Variants in SPHK2 observed in about 807,000 individuals in gnomAD.
SPHK2 encodes the protein sphingosine kinase 2.
SPHK2 carries 18 observed loss-of-function variants against 32.3 expected under a neutral mutation model. The ratio of observed to expected loss-of-function variants is 0.56; its 90% CI spans 0.39 to 0.83. The LOEUF (loss-of-function observed/expected upper bound fraction) is 0.83, where lower values mean the gene tolerates loss of function less well. Among genes scored for constraint, SPHK2 ranks in the 40% least tolerant of loss-of-function variants. The probability of loss-of-function intolerance (pLI) is 0.00; values close to 1 mark genes in which losing one functional copy is unlikely to be tolerated. For synonymous variants in SPHK2, 462 were observed against 417.6 expected, an observed-to-expected ratio of 1.11 and a Z score of -1.30; for missense variants, 850 against 908.7, an observed-to-expected ratio of 0.94 and a Z score of 0.83.
Position 48,629,131 on chromosome 19 carries a change from G to A in SPHK2, c.1323G>A (p.Leu441=), listed in dbSNP as rs142981695. The change falls in exon 7 of 7, where the codon CTG becomes CTA. Residue 441 remains leucine (L), a synonymous_variant. Transcript: ENST00000245222. ...ALASPGSPEP[L]PILSLNGGGP... Reference sequence around the variant, plus strand: ...CCTCTCCTGGCTCGCCAGAACCCCTGCCCATCCTGTCCCTCAACGGTGGGG... The same window carrying A: ...CCTCTCCTGGCTCGCCAGAACCCCTACCCATCCTGTCCCTCAACGGTGGGG... 1.2e-6 allele frequency: 2 copies of A among 1,613,438 alleles called. No individual in the cohort carries two copies. Among genetic ancestry groups the A allele is most frequent in the Middle Eastern group, 1.6e-4 (1 of 6,062 alleles).
chr19:48,630,359 C>G lies in SPHK2; in HGVS notation c.*586C>G, dbSNP rs2030509965. 1.5e-6 allele frequency: 2 copies of G among 1,312,310 alleles called. No individual in the cohort carries two copies. The highest frequency in any genetic ancestry group is 3.1e-5 in the African/African-American group (2 of 65,492). 81.3% of individuals were successfully genotyped at this position (1,312,310 alleles called of 1,614,324 possible). A position where few individuals can be genotyped will look rare whatever the true frequency, so the allele number is the denominator to read the frequency against. On this transcript the variant is annotated 3_prime_UTR_variant, in exon 7 of 7. Transcript: ENST00000245222. This position sits in a 1 kb window ranked among gnomAD's most constrained non-coding sequence, Gnocchi z 4.9. ...CGTCCTCCGTCCCCAATCTAAAAAG[C>G]AATTGAAAAGGTCTATGCAATAAAG...
chr19:48,625,266 CTT>C, intron 2 of SPHK2: 7 of 1,102,430 alleles, frequency 6.3e-6, no homozygotes, highest in Non-Finnish European at 7.8e-6. Flanking sequence ...GTCTTACTCT[CTT>C]AAGTATCTTT....
chr19:48,622,262 AAAAAAAAAAAT>A (rs945783917), intron 2 of SPHK2, among the ~76,000 whole-genome samples: 1 of 146,654 alleles, frequency 6.8e-6, no homozygotes, highest in African/African-American at 2.6e-5. Context: ...CCGTCTCAAA[AAAAAAAAAAAT>A]AAAAAAAAAT....
intron 2 of SPHK2, among the ~76,000 whole-genome samples, chr19:48,621,857 T>C (rs1405120930): frequency 6.6e-6 from 1 of 152,152 alleles, no homozygotes; most frequent in Non-Finnish European, 1.5e-5. Flanking sequence ...CTAGTGACCT[T>C]GCAGCTGCAC....
At chr19:48,625,017 G>T in intron 2 of SPHK2, 1 of 987,812 alleles carries the variant, frequency 1.0e-6, no homozygotes, top group Non-Finnish European at 1.2e-6. Context: ...GGGCCTGTGG[G>T]GAAGGGACCT....
Position 48,628,808 on chromosome 19 carries a change from T to G in SPHK2, c.1000T>G (p.Ser334Ala). 2 of 1,613,760 alleles carry G rather than the reference T, an allele frequency of 1.2e-6. No individual in the cohort carries two copies. The highest frequency in any genetic ancestry group is 1.7e-6 in the Non-Finnish European group (2 of 1,180,032). The change falls in exon 7 of 7, where the codon TCT (serine) becomes GCT (alanine). Residue 334 changes from serine (S) to alanine (A), a missense_variant. Transcript: ENST00000245222. The surrounding 1 kb of genome is among the most constrained non-coding windows in gnomAD (Gnocchi z 5.2). Reference sequence around the variant, plus strand: ...GGGCTCCCGCTGTTTCTCCTTCCTGTCTGTGGCCTGGGGCTTCGTGTCAGA... The same window carrying G: ...GGGCTCCCGCTGTTTCTCCTTCCTGGCTGTGGCCTGGGGCTTCGTGTCAGA... Reference protein sequence around the residue: ...ASGSRCFSFLSVAWGFVSDVD... With the variant: ...ASGSRCFSFLAVAWGFVSDVD...
At chr19:48,624,904 C>T (rs982217198) in intron 2 of SPHK2, 63 of 985,296 alleles carry the variant, frequency 6.4e-5, no homozygotes, top group Non-Finnish European at 7.3e-5. Context: ...GCGCTCTGGG[C>T]CTGGGGAATG....
chr19:48,626,271 C>T lies in SPHK2; in HGVS notation c.420C>T (p.Ala140=), dbSNP rs577232479. The T allele has an allele frequency of 1.6e-5, 26 of 1,594,006 alleles. No homozygotes were observed. Among genetic ancestry groups the T allele is most frequent in the Middle Eastern group, 1.7e-4 (1 of 6,054 alleles). The change falls in exon 3 of 7, where the codon GCC becomes GCT. Residue 140 remains alanine, a synonymous_variant. Coordinates refer to ENST00000245222, the MANE Select transcript of SPHK2 (RefSeq NM_020126.5). ...CTCGCACCTTCCGGGCAGATGGGGC[C>T]GCCACCTACGAAGAGAACCGTGCCG... is the stretch of plus-strand genomic sequence containing the variant. ...RATRTFRADG[A]ATYEENRAEA...
Position 48,625,911 on chromosome 19 carries a change from C to T in SPHK2, c.60C>T (p.Thr20=), listed in dbSNP as rs532584390. The change falls in exon 3 of 7, where the codon ACC becomes ACT. Residue 20 remains threonine, a synonymous_variant. Transcript: ENST00000245222. ...QQDQRPDQEL[T]GSWGHGPRST... ...CACAGAGGCCAGACCAGGAGCTGAC[C>T]GGGAGCTGGGGCCACGGGCCTAGGA... The T allele has an allele frequency of 2.2e-5, 36 of 1,611,842 alleles. No homozygotes were observed. Among genetic ancestry groups the T allele is most frequent in the African/African-American group, 2.7e-5 (2 of 75,032 alleles).
intron 3 of SPHK2, among the ~76,000 whole-genome samples, chr19:48,627,486 G>T (rs556534512): frequency 6.6e-6 from 1 of 152,224 alleles, no homozygotes; most frequent in Non-Finnish European, 1.5e-5. Context: ...GGGGACAAAG[G>T]GCATTTGGTT....
chr19:48,626,749 G>A (rs2029934329), intron 3 of SPHK2: 1 of 160,874 alleles, frequency 6.2e-6, no homozygotes, highest in Non-Finnish European at 1.3e-5. Context: ...AGGAGGCAGA[G>A]GTTGCAGTGA....
chr19:48,620,987 C>T (rs1464421141), intron 2 of SPHK2: 3 of 159,344 alleles, frequency 1.9e-5, no homozygotes, highest in Admixed American at 1.2e-4. Flanking sequence ...ACAATCACAG[C>T]CTACTGCAGC....
chr19:48,626,350 C>T lies in SPHK2; in HGVS notation c.499C>T (p.Pro167Ser), dbSNP rs1426975395. ...CTGTCTGCTCCGAGGACTGCCACTG[C>T]CCGGGGATGGGGGTGAGGTGCTGGG... ...LTCLLRGLPL[P>S]GDGEITPDLL... The change falls in exon 3 of 7, where the codon CCC (proline) becomes TCC (serine). Residue 167 changes from proline (P) to serine (S), a missense_variant. Pro to Ser is a moderately conservative substitution (Grantham distance 74, BLOSUM62 -1). Around this residue, in one of 2 missense-constraint regions of SPHK2, gnomAD observed 544 missense variants for 640.0 expected, o/e 0.85. Transcript: ENST00000245222. 1.3e-6 allele frequency: 2 copies of T among 1,585,500 alleles called. No individual in the cohort carries two copies. The highest frequency in any genetic ancestry group is 8.5e-7 in the Non-Finnish European group (1 of 1,174,278).
At position 48,629,032 on chromosome 19, in the gene SPHK2, C is replaced by A; in HGVS notation, c.1224C>A (p.Ala408=). The A allele has an allele frequency of 6.2e-7, 1 of 1,613,442 alleles. No individual in the cohort carries two copies. The highest frequency in any genetic ancestry group is 1.3e-5 in the African/African-American group (1 of 75,010). Residue 408 remains alanine (A), a synonymous_variant, in exon 7 of 7, where the codon GCC becomes GCA. Transcript: ENST00000245222. ...AGCTGACCCTAACCCCAGACCCAGC[C>A]CCGCCCATGGCCCACTCACCCCTGC... ...KSELTLTPDP[A]PPMAHSPLHR...
At chr19:48,622,924 C>T (rs1016043717) in intron 2 of SPHK2, among the ~76,000 whole-genome samples, 19 of 151,440 alleles carry the variant, frequency 1.3e-4, no homozygotes, top group African/African-American at 4.6e-4. Context: ...GCTACCACAC[C>T]TGGCTAATTT....
intron 2 of SPHK2, among the ~76,000 whole-genome samples, chr19:48,622,032 G>A (rs543550522): frequency 6.6e-6 from 1 of 152,186 alleles, no homozygotes; most frequent in South Asian, 2.1e-4. Flanking sequence ...GAGATGGGCG[G>A]ATCACGAGGT....
chr19:48,621,322 G>A (rs1458898262), intron 2 of SPHK2, among the ~76,000 whole-genome samples: 1 of 152,078 alleles, frequency 6.6e-6, no homozygotes, highest in African/African-American at 2.4e-5. Context: ...CAGGTGATAC[G>A]CCGGCCTCGG....
intron 1 of SPHK2, 52 bp downstream of exon 1, chr19:48,619,595 C>T (rs1027663178): frequency 2.5e-5 from 5 of 202,038 alleles, no homozygotes; most frequent in African/African-American, 7.0e-5. Context: ...AATTTCCGAC[C>T]CCACGCTTCG....
rs2030122828 is a variant in SPHK2 at position 48,628,159 on chromosome 19, C to T, written c.757-3C>T. 1 of 1,612,162 alleles carries T rather than the reference C, an allele frequency of 6.2e-7. No homozygotes were observed. The highest frequency in any genetic ancestry group is 8.5e-7 in the Non-Finnish European group (1 of 1,178,952). On this transcript the variant is annotated splice_region_variant and splice_polypyrimidine_tract_variant and intron_variant, in intron 5 of 6. Transcript: ENST00000245222. The surrounding 1 kb of genome is among the most constrained non-coding windows in gnomAD (Gnocchi z 5.2). ...CCCAGGCTTCTGGTCTCCCACCCTC[C>T]AGGTGCTGAACGGGCTCCTAGATCG...
Sources: gnomAD v4.1 joint callset for allele counts (sites outside exome capture counted in the v4.1 genomes callset) on GRCh38, gnomAD v4.1.1 for gene constraint, gnomAD v4.1.1 regional missense constraint, Gnocchi (gnomAD v3.1) non-coding constraint, MANE v1.5 for transcripts, NCBI Gene and HGNC (gene_info 2026-07-23, HGNC 2026-07-21) for gene names.